Variants in HDAC8 observed in about 807,000 individuals in gnomAD.
HDAC8 encodes the protein histone deacetylase-like 1.
A neutral mutation model predicts 32.2 loss-of-function variants in HDAC8; 1 was observed. The ratio of observed to expected loss-of-function variants is 0.03; its 90% CI spans 0.01 to 0.15. The LOEUF is 0.15. Ranked by LOEUF, HDAC8 falls within the 10% of genes least tolerant of loss-of-function variation. The probability of loss-of-function intolerance (pLI) is 1.00; values close to 1 mark genes in which losing one functional copy is unlikely to be tolerated. For missense variants in HDAC8, 117 were observed against 300.0 expected (o/e 0.39, Z 4.51); for synonymous variants, 108 against 113.9 (o/e 0.95, Z 0.33).
chrX:72,456,748 A>G (rs1250251409), intron 9 of HDAC8, among the ~76,000 whole-genome samples: 2 of 111,289 alleles, frequency 1.8e-5, no homozygotes, highest in Non-Finnish European at 3.8e-5. Flanking sequence ...GCAGTGAGCC[A>G]AGATTGCACC....
chrX:72,470,848 A>G (rs782436453), intron 7 of HDAC8, among the ~76,000 whole-genome samples: 1 of 112,560 alleles, frequency 8.9e-6, no homozygotes, highest in Admixed American at 9.4e-5. Flanking sequence ...ATTTTAAAAT[A>G]AGTTTATTGA....
chrX:72,421,773 G>C (rs965693081), intron 9 of HDAC8, among the ~76,000 whole-genome samples: 2 of 111,418 alleles, frequency 1.8e-5, no homozygotes, highest in Non-Finnish European at 3.8e-5. Flanking sequence ...ATATAGCTTC[G>C]ATTTACAGTC....
At chrX:72,355,739 T>C (rs1020382947) in intron 9 of HDAC8, among the ~76,000 whole-genome samples, 4 of 111,934 alleles carry the variant, frequency 3.6e-5, no homozygotes, top group Non-Finnish European at 7.5e-5. Flanking sequence ...AATTAGATAG[T>C]TGGTCAAAAA....
At chrX:72,378,273 C>T (rs782758230) in intron 9 of HDAC8, among the ~76,000 whole-genome samples, 4 of 111,459 alleles carry the variant, frequency 3.6e-5, no homozygotes, top group African/African-American at 1.3e-4. Context: ...TGGCTTGATG[C>T]CATTCTCATG....
chrX:72,441,906 G>A (rs1209534798), intron 9 of HDAC8, among the ~76,000 whole-genome samples: 6 of 111,785 alleles, frequency 5.4e-5, no homozygotes, highest in Non-Finnish European at 9.4e-5. Flanking sequence ...CTCAGGAGCC[G>A]ATGCGATCAA....
chrX:72,543,514 C>T (rs1161345635), intron 4 of HDAC8, among the ~76,000 whole-genome samples: 1 of 111,309 alleles, frequency 9.0e-6, no homozygotes, highest in Non-Finnish European at 1.9e-5. Context: ...TGAAGGTGTT[C>T]TAGATGTGAA....
chrX:72,354,106 C>T (rs1004384458), intron 9 of HDAC8, among the ~76,000 whole-genome samples: 3 of 112,356 alleles, frequency 2.7e-5, no homozygotes, highest in Non-Finnish European at 5.6e-5. Flanking sequence ...CTCAATTCTA[C>T]TGGGATTAAG....
At chrX:72,540,222 A>G (rs1556041655) in intron 4 of HDAC8, among the ~76,000 whole-genome samples, 1 of 112,872 alleles carries the variant, frequency 8.9e-6, no homozygotes, top group African/African-American at 3.2e-5. Flanking sequence ...ATGAACTCTG[A>G]AGAATGGTTT....
chrX:72,429,023 CTT>C, intron 9 of HDAC8, among the ~76,000 whole-genome samples: 1 of 80,674 alleles, frequency 1.2e-5, no homozygotes, highest in East Asian at 3.5e-4. Flanking sequence ...TTCTTTCTTT[CTT>C]TTTTTTTTTT....
chrX:72,430,484 C>T (rs1202160300), intron 9 of HDAC8, among the ~76,000 whole-genome samples: 1 of 112,324 alleles, frequency 8.9e-6, no homozygotes, highest in Admixed American at 9.4e-5. Context: ...TTTCTTTCAG[C>T]GTTAGAAACT....
At chrX:72,495,362 A>G (rs892409995) in intron 4 of HDAC8, 94 bp from the exon 5 acceptor site, 8 of 463,726 alleles carry the variant, frequency 1.7e-5, no homozygotes, top group Non-Finnish European at 2.5e-5. Context: ...CTAGTCCCCT[A>G]AAGTTCCCCC....
At chrX:72,378,117 C>T (rs1235639477) in intron 9 of HDAC8, among the ~76,000 whole-genome samples, 1 of 109,909 alleles carries the variant, frequency 9.1e-6, no homozygotes, top group Non-Finnish European at 1.9e-5. Context: ...TTAATATCAA[C>T]TTAATTTCAA....
chrX:72,450,116 T>G (rs1363506897), intron 9 of HDAC8, among the ~76,000 whole-genome samples: 1 of 112,291 alleles, frequency 8.9e-6, no homozygotes, highest in Non-Finnish European at 1.9e-5. Context: ...TGGATGGATC[T>G]CAAGGGAATT....
intron 4 of HDAC8, among the ~76,000 whole-genome samples, chrX:72,538,956 A>G (rs1222492777): frequency 1.2e-4 from 13 of 112,071 alleles, no homozygotes; most frequent in African/African-American, 2.6e-4. Context: ...AAAATTAAAG[A>G]AAGTCTGAGA....
intron 4 of HDAC8, among the ~76,000 whole-genome samples, chrX:72,495,721 A>G (rs1189310201): frequency 1.8e-5 from 2 of 111,888 alleles, no homozygotes; most frequent in African/African-American, 6.5e-5. Context: ...GATTCTCTGT[A>G]CTGACCCTAT....
At chrX:72,440,430 T>G (rs782223092) in intron 9 of HDAC8, among the ~76,000 whole-genome samples, 5 of 107,419 alleles carry the variant, frequency 4.7e-5, no homozygotes, top group Non-Finnish European at 9.7e-5. Flanking sequence ...GAAGCAAGAG[T>G]AAACAAATTC....
chrX:72,546,279 CA>C (rs1221102176), intron 4 of HDAC8, among the ~76,000 whole-genome samples: 1 of 111,368 alleles, frequency 9.0e-6, no homozygotes, highest in Non-Finnish European at 1.9e-5. Context: ...CCTCTCTTAG[CA>C]GGGAAGCAGG....
chrX:72,452,512 C>T (rs5912134), intron 9 of HDAC8, among the ~76,000 whole-genome samples: 7 of 111,315 alleles, frequency 6.3e-5, no homozygotes, highest in Non-Finnish European at 1.1e-4. Context: ...ATTTCTAGAG[C>T]TCACAAAGGG....
intron 5 of HDAC8, among the ~76,000 whole-genome samples, chrX:72,493,040 C>A (rs1160025129): frequency 9.0e-6 from 1 of 111,370 alleles, no homozygotes; most frequent in Non-Finnish European, 1.9e-5. Context: ...AGGGAGAGAA[C>A]ACTTGAGCTG....
Sources: gnomAD v4.1 joint callset for allele counts (sites outside exome capture counted in the v4.1 genomes callset) on GRCh38, gnomAD v4.1.1 for gene constraint, MANE v1.5 for transcripts, NCBI Gene and HGNC (gene_info 2026-07-23, HGNC 2026-07-21) for gene names.